The following GAB2 variants were observed in gnomAD, a reference collection of about 807,000 sequenced individuals.
GAB2 encodes GRB2-associated-binding protein 2.
A neutral mutation model predicts 65.5 loss-of-function variants in GAB2; 26 were observed. That is an observed-to-expected ratio of 0.40 (90% CI 0.29 to 0.55). The LOEUF (loss-of-function observed/expected upper bound fraction) is 0.55. Ranked by LOEUF, GAB2 falls within the 20% of genes least tolerant of loss-of-function variation. The pLI is 0.53. For missense variants in GAB2, 884 were observed against 875.8 expected, an observed-to-expected ratio of 1.01 and a Z score of -0.12; for synonymous variants, 321 against 329.6, an observed-to-expected ratio of 0.97 and a Z score of 0.28.
rs1168994514 is a variant in GAB2 at position 78,417,647 on chromosome 11, T to C, written c.74A>G (p.Tyr25Cys). Residue 25 changes from tyrosine (Y) to cysteine (C), a missense_variant and splice_region_variant, in exon 1 of 10, where the codon TAT (tyrosine) becomes TGT (cysteine). By Grantham distance (194) the Tyr-to-Cys change is radical. Transcript: ENST00000361507. Reference protein sequence around the residue: ...KSPPEKKLRRYAWKKRWFILR... With the variant: ...KSPPEKKLRRCAWKKRWFILR... ...CTGGGCGGCCGCGCCCGCACTCACA[T>C]AGCGCCTCAACTTCTTCTCGGGAGG... 10 of 1,351,044 alleles carry C rather than the reference T, an allele frequency of 7.4e-6. No individual in the cohort carries two copies. Among genetic ancestry groups the C allele is most frequent in the Non-Finnish European group, 8.8e-6 (9 of 1,025,970 alleles). The allele number at this position is 1,351,044 out of a possible 1,614,324, so 83.7% of individuals were successfully genotyped here.
chr11:78,371,717 C>G (rs1172530600), intron 1 of GAB2, among the ~76,000 whole-genome samples: 1 of 152,192 alleles, frequency 6.6e-6, no homozygotes, highest in Non-Finnish European at 1.5e-5. Flanking sequence ...ACGTCAAACA[C>G]CAATTCTCAG....
chr11:78,380,231 C>T (rs1014069755), intron 1 of GAB2, among the ~76,000 whole-genome samples: 19 of 145,252 alleles, frequency 1.3e-4, no homozygotes, highest in South Asian at 4.3e-4. Context: ...TTTTTTGAGA[C>T]GAAGTCTCGC....
intron 3 of GAB2, among the ~76,000 whole-genome samples, chr11:78,228,812 A>G (rs1421024327): frequency 7.4e-6 from 1 of 135,676 alleles, no homozygotes; most frequent in East Asian, 2.5e-4. Context: ...TAGATAATGT[A>G]GTGCTTAGGG....
intron 1 of GAB2, among the ~76,000 whole-genome samples, chr11:78,410,897 G>A (rs1391047685): frequency 6.6e-6 from 1 of 152,038 alleles, no homozygotes; most frequent in African/African-American, 2.4e-5. Context: ...ACCTATAATC[G>A]CAGCACTCTG....
In GAB2 at chr11:78,318,369, C is replaced by CAAAAAAAAAAAAGAAAAAAAAAA. The variant is rs1855654738; in HGVS notation, c.76-37469_76-37468insTTTTTTTTTTCTTTTTTTTTTTT. 4.2e-5 allele frequency: 2 copies of CAAAAAAAAAAAAGAAAAAAAAAA among 47,676 alleles called. 1 individual carries two copies. 3.0% of individuals were successfully genotyped at this position (47,676 alleles called of 1,614,324 possible). A position where few individuals can be genotyped will look rare whatever the true frequency, so the allele number is the denominator to read the frequency against. ...ATTTTGGGATCTGATTGTTAAATGC[C>CAAAAAAAAAAAAGAAAAAAAAAA]AAAAAAAAAAAAAAAAAGCTGTGAA... On this transcript the variant is annotated intron_variant, in intron 1 of 9. Coordinates refer to ENST00000361507, the MANE Select transcript of GAB2 (RefSeq NM_080491.3).
intron 1 of GAB2, among the ~76,000 whole-genome samples, chr11:78,376,394 C>G (rs546755652): frequency 6.6e-6 from 1 of 152,310 alleles, no homozygotes; most frequent in South Asian, 2.1e-4. Flanking sequence ...TTAACTCACT[C>G]AATCTTCACA....
intron 1 of GAB2, among the ~76,000 whole-genome samples, chr11:78,298,128 T>C (rs956444002): frequency 6.6e-6 from 1 of 152,106 alleles, no homozygotes; most frequent in African/African-American, 2.4e-5. Context: ...AGAGCATGAG[T>C]AGGAAGCCCA....
chr11:78,292,003 GGTGTGTGTGTGTGTGT>G (rs71877307), intron 1 of GAB2, among the ~76,000 whole-genome samples: 1 of 147,794 alleles, frequency 6.8e-6, no homozygotes, highest in Admixed American at 6.7e-5. Context: ...GGTGTGTAGG[GGTGTGTGTGTGTGTGT>G]GTGTGTGTGT....
intron 1 of GAB2, among the ~76,000 whole-genome samples, chr11:78,311,349 T>A (rs1315798928): frequency 6.6e-6 from 1 of 152,168 alleles, no homozygotes; most frequent in African/African-American, 2.4e-5. Context: ...AAAATGAAGA[T>A]GATAATCCTA....
chr11:78,375,000 G>A (rs1198792883), intron 1 of GAB2, among the ~76,000 whole-genome samples: 1 of 152,122 alleles, frequency 6.6e-6, no homozygotes, highest in East Asian at 1.9e-4. Context: ...GTAAAGGGAA[G>A]ACCACAAACT....
intron 1 of GAB2, among the ~76,000 whole-genome samples, chr11:78,289,814 CTTTTTTTTTTTT>C (rs56926225): frequency 2.4e-5 from 2 of 83,622 alleles, no homozygotes; most frequent in African/African-American, 9.6e-5. Flanking sequence ...AGAACAGGAC[CTTTTTTTTTTTT>C]TTTTTTTTTT....
At chr11:78,256,837 T>C (rs1331539879) in intron 2 of GAB2, among the ~76,000 whole-genome samples, 1 of 152,150 alleles carries the variant, frequency 6.6e-6, no homozygotes, top group Non-Finnish European at 1.5e-5. Context: ...TATTAAACAA[T>C]GTGTGGCTGG....
At chr11:78,243,026 G>A (rs1314150116) in intron 3 of GAB2, among the ~76,000 whole-genome samples, 2 of 152,034 alleles carry the variant, frequency 1.3e-5, no homozygotes, top group African/African-American at 4.8e-5. Flanking sequence ...AGTGGGCATG[G>A]TGGCACACGC....
At chr11:78,241,650 A>C (rs1327875674) in intron 3 of GAB2, among the ~76,000 whole-genome samples, 1 of 152,182 alleles carries the variant, frequency 6.6e-6, no homozygotes, top group Non-Finnish European at 1.5e-5. Flanking sequence ...TGAAGAATTC[A>C]ATGAATGAAA....
At chr11:78,363,417 G>A (rs1856459119) in intron 1 of GAB2, among the ~76,000 whole-genome samples, 1 of 152,092 alleles carries the variant, frequency 6.6e-6, no homozygotes, top group Non-Finnish European at 1.5e-5. Flanking sequence ...AATGTTTTAT[G>A]AGTCATCTAC....
chr11:78,236,158 G>C (rs1024427045), intron 3 of GAB2, among the ~76,000 whole-genome samples: 3 of 152,178 alleles, frequency 2.0e-5, no homozygotes, highest in Non-Finnish European at 4.4e-5. Flanking sequence ...GGTGTTGCAT[G>C]TTTGTTGTTA....
intron 1 of GAB2, among the ~76,000 whole-genome samples, chr11:78,307,448 A>C (rs1455429134): frequency 6.6e-6 from 1 of 152,138 alleles, no homozygotes; most frequent in African/African-American, 2.4e-5. Flanking sequence ...GAAAAAATAA[A>C]TCACAGAAAA....
intron 1 of GAB2, among the ~76,000 whole-genome samples, chr11:78,323,656 G>C (rs1591038427): frequency 6.6e-6 from 1 of 151,996 alleles, no homozygotes; most frequent in East Asian, 1.9e-4. Context: ...GGAGGGAGGA[G>C]GGGGGTAAGG....
intron 3 of GAB2, among the ~76,000 whole-genome samples, chr11:78,239,082 C>T (rs1314516819): frequency 6.6e-6 from 1 of 151,466 alleles, no homozygotes; most frequent in Non-Finnish European, 1.5e-5. Context: ...TACCACATTG[C>T]ACCCATTTCT....
Sources: allele counts gnomAD v4.1 joint callset (sites outside exome capture counted in the v4.1 genomes callset), GRCh38; gene constraint gnomAD v4.1.1; transcripts MANE v1.5; gene names NCBI Gene and HGNC (gene_info 2026-07-23, HGNC 2026-07-21).